UNC45A: variants seen among roughly 807,000 people sequenced by gnomAD.
UNC45A encodes unc-45 myosin chaperone A, also known as protein unc-45 homolog A.
In UNC45A, 78 loss-of-function variants were observed where a neutral mutation model predicts 103.2. That is an observed-to-expected ratio of 0.76 (90% CI 0.63 to 0.91). The LOEUF is 0.91. Ranked by LOEUF, UNC45A falls within the 40% of genes least tolerant of loss-of-function variation. The probability of loss-of-function intolerance (pLI) is 0.00; values close to 1 mark genes in which losing one functional copy is unlikely to be tolerated. For missense variants in UNC45A, 1,193 were observed against 1,224.8 expected (o/e 0.97, Z 0.39); for synonymous variants, 495 against 504.6 (o/e 0.98, Z 0.25).
chr15:90,936,300 G>A lies in UNC45A; in HGVS notation c.266G>A (p.Gly89Asp), dbSNP rs2036015620. ...TEASKAIEKD[G>D]GDVKALYRRS... Reference sequence around the variant, plus strand: ...TTGTGCTCAGCCATTGAAAAGGATGGTGGGGATGTCAAAGCACTCTACCGG... The same window carrying A: ...TTGTGCTCAGCCATTGAAAAGGATGATGGGGATGTCAAAGCACTCTACCGG... Residue 89 changes from glycine (G) to aspartate (D), a missense_variant, in exon 4 of 20, where the codon GGT (glycine) becomes GAT (aspartate). Coordinates refer to ENST00000418476, the MANE Select transcript of UNC45A (RefSeq NM_018671.5). 1 of 1,613,586 alleles carries A rather than the reference G, an allele frequency of 6.2e-7. No individual in the cohort carries two copies. The highest frequency in any genetic ancestry group is 8.5e-7 in the Non-Finnish European group (1 of 1,179,818).
At chr15:90,939,900 C>T in intron 5 of UNC45A, 77 bp downstream of exon 5, 1 of 1,350,406 alleles carries the variant, frequency 7.4e-7, no homozygotes, top group Non-Finnish European at 1.0e-6. Context: ...GCCACTGCTG[C>T]CTTGCTCTGC....
rs934592476 is a variant in UNC45A, at chr15:90,950,183, G to A, written c.2103G>A (p.Thr701=). ...RALIPLALEG[T]DVGQTKAAQA... ...TGATCCCGCTGGCCCTGGAAGGCACGGACGTGGGGCAGACAAAGGCAGCCC... is the reference window on the plus strand; with the variant it reads ...TGATCCCGCTGGCCCTGGAAGGCACAGACGTGGGGCAGACAAAGGCAGCCC... Residue 701 remains threonine, a synonymous_variant, in exon 16 of 20, where the codon ACG becomes ACA. Transcript: ENST00000418476. 1.7e-5 allele frequency: 26 copies of A among 1,551,552 alleles called. No individual in the cohort carries two copies. The highest frequency in any genetic ancestry group is 2.0e-5 in the Non-Finnish European group (23 of 1,147,008).
At position 90,939,607 on chromosome 15, in the gene UNC45A, T is replaced by C; in HGVS notation, c.427-124T>C. On this transcript the variant is annotated intron_variant, in intron 4 of 19. Transcript: ENST00000418476. ...CTTCCTGCCCAGGGTAGCTAGGTGC[T>C]AGCCCTGAGCCTGGACATCTTTACT... is the stretch of plus-strand genomic sequence containing the variant. The C allele has an allele frequency of 3.1e-6, 3 of 967,184 alleles. No individual in the cohort carries two copies. The East Asian group carries it at 7.6e-5, about 24-fold the overall frequency. The allele number at this position is 967,184 out of a possible 1,614,324, so 59.9% of individuals were successfully genotyped here. A position where few individuals can be genotyped will look rare whatever the true frequency, so the allele number is the denominator to read the frequency against.
At chr15:90,943,813 C>T (rs961558918) in intron 8 of UNC45A, among the ~76,000 whole-genome samples, 3 of 151,726 alleles carry the variant, frequency 2.0e-5, no homozygotes, top group African/African-American at 7.3e-5. Flanking sequence ...TTTAGCCTCC[C>T]GAGTAGCTGG....
chr15:90,945,692 T>C (rs1324311267), intron 9 of UNC45A, among the ~76,000 whole-genome samples: 1 of 148,136 alleles, frequency 6.8e-6, no homozygotes, highest in Non-Finnish European at 1.5e-5. Context: ...AGTACAATGG[T>C]ATGATCTTGG....
intron 4 of UNC45A, among the ~76,000 whole-genome samples, 160 bp from the exon 5 acceptor site, chr15:90,939,571 C>T (rs2036185564): frequency 6.6e-6 from 1 of 152,212 alleles, no homozygotes; most frequent in African/African-American, 2.4e-5. Flanking sequence ...GAGGCACTGC[C>T]AGGCAAGTCT....
intron 11 of UNC45A, 27 bp downstream of exon 11, chr15:90,947,917 C>T: frequency 3.7e-6 from 6 of 1,600,102 alleles, no homozygotes; most frequent in Non-Finnish European, 5.1e-6. Context: ...TGCTGTGGTT[C>T]CCCACCTGTG....
At chr15:90,936,573 G>C in intron 4 of UNC45A, 113 bp downstream of exon 4, 1 of 1,297,304 alleles carries the variant, frequency 7.7e-7, no homozygotes, top group Non-Finnish European at 1.0e-6. Flanking sequence ...AACCTTGCCT[G>C]TGGCCAGGGA....
Position 90,953,227 on chromosome 15 carries a change from G to A in UNC45A, c.2494G>A (p.Glu832Lys), listed in dbSNP as rs1263355319. ...GGTGCTGTACAGTGGAGAGGATGATGAGCTGCTACAGCGGGCAGCTGCCGG... is the reference window on the plus strand; with the variant it reads ...GGTGCTGTACAGTGGAGAGGATGATAAGCTGCTACAGCGGGCAGCTGCCGG... ...LLVLYSGEDD[E>K]LLQRAAAGGL... The change falls in exon 19 of 20, where the codon GAG becomes AAG. Residue 832 changes from glutamate (E) to lysine (K), a missense_variant. Transcript: ENST00000418476. 3.1e-6 allele frequency: 5 copies of A among 1,613,746 alleles called. No individual in the cohort carries two copies. In the African/African-American group the frequency reaches 4.0e-5, roughly 13 times the overall value.
chr15:90,945,877 T>C (rs2151368581), intron 9 of UNC45A, among the ~76,000 whole-genome samples: 1 of 147,718 alleles, frequency 6.8e-6, no homozygotes, highest in East Asian at 2.1e-4. Flanking sequence ...ACACCTGAGG[T>C]GATCTGCCCG....
chr15:90,943,752 G>C (rs1464960915), intron 8 of UNC45A, among the ~76,000 whole-genome samples: 1 of 151,532 alleles, frequency 6.6e-6, no homozygotes, highest in Non-Finnish European at 1.5e-5. Context: ...GCAGTGGCGC[G>C]ATCTCAGCTC....
chr15:90,952,392 G>A (rs1223483147), intron 17 of UNC45A: 1 of 154,592 alleles, frequency 6.5e-6, no homozygotes, highest in Non-Finnish European at 1.4e-5. Context: ...GTGAAAGTAG[G>A]AGCAAGAGAC....
Position 90,942,914 on chromosome 15 carries a change from C to A in UNC45A, c.859C>A (p.Pro287Thr). 2 of 1,603,362 alleles carry A rather than the reference C, an allele frequency of 1.2e-6. No homozygotes were observed. The highest frequency in any genetic ancestry group is 1.1e-5 in the South Asian group (1 of 90,250). ...RGKEGAIIVD[P>T]ARELKVLISN... The stretch of plus-strand genomic sequence containing the variant: ...TGATGTCTTCTTGTTGTTGCCAGAT[C>A]CTGCCCGGGAGCTGAAGGTCCTCAT... Residue 287 changes from proline to threonine, a missense_variant and splice_region_variant, in exon 8 of 20, where the codon CCT (proline) becomes ACT (threonine). Physicochemically the swap from Pro to Thr is conservative, Grantham distance 38. Coordinates refer to ENST00000418476, the MANE Select transcript of UNC45A (RefSeq NM_018671.5).
intron 8 of UNC45A, among the ~76,000 whole-genome samples, chr15:90,944,009 T>TC (rs1818529613): frequency 1.3e-5 from 2 of 148,752 alleles, no homozygotes; most frequent in Non-Finnish European, 3.0e-5. Flanking sequence ...TTTTTTTTTT[T>TC]TTGTTTGAGT....
In UNC45A at chr15:90,948,127, C is replaced by G; in HGVS notation, c.1596-15C>G. ...CCCAATCCTGAGGGTCGTCCACTAT[C>G]CTGCGTGTCCCCAGGTGGCTGTGCA... On this transcript the variant is annotated splice_polypyrimidine_tract_variant and intron_variant, in intron 11 of 19. Transcript: ENST00000418476. The G allele has an allele frequency of 6.2e-7, 1 of 1,613,744 alleles. No individual in the cohort carries two copies. Among genetic ancestry groups the G allele is most frequent in the Non-Finnish European group, 8.5e-7 (1 of 1,179,986 alleles).
Position 90,953,956 on chromosome 15 carries a change from C to A in UNC45A, c.*240C>A, listed in dbSNP as rs2037078941. ...GGCCCTTTTTCTGTACTACTGTAGT[C>A]AGCTGGGAATGGGGAAGGTGCATCC... On this transcript the variant is annotated 3_prime_UTR_variant, in exon 20 of 20. Transcript: ENST00000418476. 1.6e-4 allele frequency: 94 copies of A among 575,716 alleles called. 1 individual carries two copies. In the South Asian group the frequency reaches 1.9e-3, roughly 12 times the overall value. 35.7% of individuals were successfully genotyped at this position (575,716 alleles called of 1,614,324 possible).
Position 90,953,817 on chromosome 15 carries a change from A to G in UNC45A, c.*101A>G, listed in dbSNP as rs2037071265. Reference sequence around the variant, plus strand: ...TGGCTGGTGGTGGCTGGCATGCCCAATACTCTTGCCCATCCTCGCTTGCTG... The same window carrying G: ...TGGCTGGTGGTGGCTGGCATGCCCAGTACTCTTGCCCATCCTCGCTTGCTG... On this transcript the variant is annotated 3_prime_UTR_variant, in exon 20 of 20. Transcript: ENST00000418476. The G allele has an allele frequency of 3.4e-6, 5 of 1,489,818 alleles. No homozygotes were observed. The highest frequency in any genetic ancestry group is 4.5e-6 in the Non-Finnish European group (5 of 1,106,334). The allele number at this position is 1,489,818 out of a possible 1,614,324, so 92.3% of individuals were successfully genotyped here.
At chr15:90,948,352 G>T (rs2036691666) in intron 12 of UNC45A, 69 bp downstream of exon 12, 1 of 1,589,952 alleles carries the variant, frequency 6.3e-7, no homozygotes, top group Non-Finnish European at 8.5e-7. Context: ...GGCTTTCTCG[G>T]CAGGGCTTGG....
intron 12 of UNC45A, 39 bp downstream of exon 12, chr15:90,948,322 T>C (rs767748450): frequency 6.2e-7 from 1 of 1,609,538 alleles, no homozygotes; most frequent in African/African-American, 1.3e-5. Flanking sequence ...GGGGACACTG[T>C]CTAGGATTAG....
Sources: allele counts gnomAD v4.1 joint callset (sites outside exome capture counted in the v4.1 genomes callset), GRCh38; gene constraint gnomAD v4.1.1; transcripts MANE v1.5; gene names NCBI Gene and HGNC (gene_info 2026-07-23, HGNC 2026-07-21).